The following ERI1 variants were observed in gnomAD, a reference collection of about 807,000 sequenced individuals.
The protein encoded by ERI1 is exoribonuclease 1, also known as 3'-5' exoribonuclease 1.
Under a neutral mutation model 39.7 loss-of-function variants are expected in ERI1, and 39 were observed. The ratio of observed to expected loss-of-function variants is 0.98; its 90% confidence interval spans 0.76 to 1.28. The LOEUF is 1.28. Ranked by LOEUF, ERI1 falls within the 50% of genes most tolerant of loss-of-function variation. ERI1 has a pLI of 0.00. For synonymous variants in ERI1, 204 were observed against 149.6 expected (o/e 1.36, Z -2.65); for missense variants, 581 against 416.9 (o/e 1.39, Z -3.43).
At chr8:9,010,215 A>C (rs1002822343) in intron 2 of ERI1, among the ~76,000 whole-genome samples, 1 of 152,240 alleles carries the variant, frequency 6.6e-6, no homozygotes, top group African/African-American at 2.4e-5. Flanking sequence ...GTTTCTATCC[A>C]GAGCAACTAG....
Position 9,003,148 on chromosome 8 carries a change from G to A in ERI1, c.85G>A (p.Glu29Lys), listed in dbSNP as rs1406067747. ...GTCGCCGCGGCCGGAGGGCGGGGAG[G>A]AGCCGCCGCGTCCCAGTCCCGAGGT... is the stretch of plus-strand genomic sequence containing the variant. ...LESPRPEGGEEPPRPSPEETQ... is the reference protein window; with the variant it reads ...LESPRPEGGEKPPRPSPEETQ... Residue 29 changes from glutamate (E) to lysine (K), a missense_variant, in exon 1 of 7, where the codon GAG (glutamate) becomes AAG (lysine). Physicochemically the swap from Glu to Lys is moderately conservative, Grantham distance 56 (BLOSUM62 1). Coordinates refer to ENST00000250263, the MANE Select transcript of ERI1 (RefSeq NM_153332.4). The A allele has an allele frequency of 1.6e-6, 2 of 1,244,242 alleles. No homozygotes were observed. Among genetic ancestry groups the A allele is most frequent in the East Asian group, 3.1e-5 (1 of 31,812 alleles). The allele number at this position is 1,244,242 out of a possible 1,614,324, so 77.1% of individuals were successfully genotyped here. A position where few individuals can be genotyped will look rare whatever the true frequency, so the allele number is the denominator to read the frequency against.
intron 1 of ERI1, 80 bp downstream of exon 1, chr8:9,003,251 G>A (rs1213195749): frequency 2.2e-5 from 19 of 862,596 alleles, no homozygotes; most frequent in Middle Eastern, 3.9e-4. Context: ...TTCTTCTCAG[G>A]TGTCCCGCAG....
chr8:9,010,281 C>T (rs1816521926), intron 2 of ERI1, among the ~76,000 whole-genome samples: 1 of 152,060 alleles, frequency 6.6e-6, no homozygotes, highest in African/African-American at 2.4e-5. Flanking sequence ...TGTAGTCTCT[C>T]CCCCTATCAC....
At chr8:9,022,301 T>C (rs1817996284) in intron 6 of ERI1, among the ~76,000 whole-genome samples, 1 of 152,218 alleles carries the variant, frequency 6.6e-6, no homozygotes, top group Admixed American at 6.5e-5. Context: ...GTAGTCTGTT[T>C]TTTCATTACC....
At chr8:9,028,224 T>G (rs907647864) in intron 6 of ERI1, among the ~76,000 whole-genome samples, 1 of 152,230 alleles carries the variant, frequency 6.6e-6, no homozygotes, top group Non-Finnish European at 1.5e-5. Context: ...TTAGAGGTTT[T>G]CAGTTACTGA....
At chr8:9,059,312 C>T (rs1036610305) in intron 3 of ERI1, among the ~76,000 whole-genome samples, 4 of 152,124 alleles carry the variant, frequency 2.6e-5, no homozygotes, top group African/African-American at 9.7e-5. Context: ...AGAGGCCTGA[C>T]ATTCCTGTCT....
At chr8:9,039,223 C>G (rs912745710) in intron 3 of ERI1, among the ~76,000 whole-genome samples, 1 of 152,252 alleles carries the variant, frequency 6.6e-6, no homozygotes, top group South Asian at 2.1e-4. Context: ...CTGTTACTTT[C>G]AAAACACCTT....
intron 3 of ERI1, among the ~76,000 whole-genome samples, chr8:9,093,184 T>C (rs578152842): frequency 1.2e-4 from 19 of 152,154 alleles, no homozygotes; most frequent in East Asian, 3.8e-4. Context: ...CTGGGCCACA[T>C]TGGAAGAAGA....
intron 3 of ERI1, among the ~76,000 whole-genome samples, chr8:9,061,392 C>G (rs532588865): frequency 6.6e-6 from 1 of 151,810 alleles, no homozygotes; most frequent in Non-Finnish European, 1.5e-5. Flanking sequence ...CTGAAGGACC[C>G]GGGGAGCAGA....
chr8:9,045,930 C>T (rs1044733946), intron 3 of ERI1, among the ~76,000 whole-genome samples: 1 of 152,118 alleles, frequency 6.6e-6, no homozygotes, highest in Non-Finnish European at 1.5e-5. Flanking sequence ...CCACCTGCCT[C>T]AGCCTCCCAA....
chr8:9,054,950 A>C (rs1266830480), intron 3 of ERI1, among the ~76,000 whole-genome samples: 2 of 152,188 alleles, frequency 1.3e-5, no homozygotes, highest in Admixed American at 1.3e-4. Context: ...TAAATAAATA[A>C]AATCAACACA....
In ERI1 at chr8:9,065,192, G is replaced by A. The variant is rs975714507; in HGVS notation, n.299+44728G>A. Among the ~76,000 whole-genome samples the A allele has an allele frequency of 6.6e-5, 10 of 152,320 alleles. No individual in the cohort carries two copies. In the South Asian group the frequency reaches 8.3e-4, roughly 13 times the overall value. On this transcript the variant is annotated intron_variant and non_coding_transcript_variant, in intron 3 of 3. Coordinates refer to the ERI1 transcript ENST00000518663. ...TGGCTTAGCTTGGGCTCAGAGGCCTGACACCAACTATCTATAGTACAGCTA... is the reference window on the plus strand; with the variant it reads ...TGGCTTAGCTTGGGCTCAGAGGCCTAACACCAACTATCTATAGTACAGCTA...
intron 3 of ERI1, among the ~76,000 whole-genome samples, chr8:9,013,930 A>T (rs143667732): frequency 6.6e-6 from 1 of 152,176 alleles, no homozygotes; most frequent in Non-Finnish European, 1.5e-5. Context: ...TCTATCATTT[A>T]TGTGACTTAC....
Position 9,007,935 on chromosome 8 carries a change from CTTTTTTTTTTTT to C in ERI1, c.109-17_109-6del, listed in dbSNP as rs556702690. ...GTTTGTACTAATTATAAACTACATC[CTTTTTTTTTTTT>C]TTTTTTTTTTTTTTTTTGGTAGGAA... is the stretch of plus-strand genomic sequence containing the variant. On this transcript the variant is annotated intron_variant, in intron 1 of 6. Transcript: ENST00000250263. 1,871 of 969,092 alleles carry C rather than the reference CTTTTTTTTTTTT, an allele frequency of 1.9e-3. 11 individuals are homozygous for C. In the African/African-American group the frequency reaches 0.043, roughly 22 times the overall value. The allele number at this position is 969,092 out of a possible 1,614,324, so 60.0% of individuals were successfully genotyped here. A position where few individuals can be genotyped will look rare whatever the true frequency, so the allele number is the denominator to read the frequency against.
At chr8:9,045,812 G>C (rs199573759) in intron 3 of ERI1, among the ~76,000 whole-genome samples, 1 of 151,658 alleles carries the variant, frequency 6.6e-6, no homozygotes, top group East Asian at 1.9e-4. Flanking sequence ...GAGTAGCTGG[G>C]ATTACAGGCA....
At chr8:9,087,435 T>G (rs7009448) in intron 3 of ERI1, among the ~76,000 whole-genome samples, 27,580 of 78,222 alleles carry the variant, frequency 0.35, 4,095 homozygotes, top group East Asian at 0.42. Flanking sequence ...TTTTTTTTTT[T>G]GATTTTTAGT....
intron 3 of ERI1, among the ~76,000 whole-genome samples, chr8:9,046,491 T>A (rs908172697): frequency 6.6e-6 from 1 of 152,142 alleles, no homozygotes; most frequent in Non-Finnish European, 1.5e-5. Flanking sequence ...GAAATTCCCC[T>A]CTCCGGCTAA....
chr8:9,074,825 A>T (rs1799157301), intron 3 of ERI1, among the ~76,000 whole-genome samples: 1 of 152,236 alleles, frequency 6.6e-6, no homozygotes, highest in Non-Finnish European at 1.5e-5. Flanking sequence ...AACCTTAATT[A>T]ATAGAGCACA....
intron 1 of ERI1, among the ~76,000 whole-genome samples, chr8:9,007,584 A>G (rs916541574): frequency 1.3e-5 from 2 of 152,222 alleles, no homozygotes; most frequent in Non-Finnish European, 2.9e-5. Context: ...ATTTACCATT[A>G]CCAAATTACC....
Sources: allele counts gnomAD v4.1 joint callset (sites outside exome capture counted in the v4.1 genomes callset), GRCh38; gene constraint gnomAD v4.1.1; transcripts MANE v1.5; gene names NCBI Gene and HGNC (gene_info 2026-07-23, HGNC 2026-07-21).